The following ERC2 variants were observed in gnomAD, a reference collection of about 807,000 sequenced individuals.
The protein encoded by ERC2 is ERC protein 2.
A neutral mutation model predicts 114.8 loss-of-function variants in ERC2; 42 were observed. That is an observed-to-expected ratio of 0.37 (90% CI 0.29 to 0.47). The LOEUF is 0.47. ERC2 is among the 20% of genes least tolerant of loss of function. ERC2 has a pLI of 0.99. For missense variants in ERC2, 939 were observed against 1,150.7 expected, an observed-to-expected ratio of 0.82 and a Z score of 2.66; for synonymous variants, 454 against 425.5, an observed-to-expected ratio of 1.07 and a Z score of -0.82.
intron 14 of ERC2, among the ~76,000 whole-genome samples, chr3:55,751,437 A>G (rs1337210913): frequency 2.0e-5 from 3 of 152,208 alleles, no homozygotes; most frequent in Non-Finnish European, 4.4e-5. Flanking sequence ...AGGTGGCAAG[A>G]AGGGCCTAGT....
At chr3:56,171,399 G>A (rs2082658488) in intron 4 of ERC2, among the ~76,000 whole-genome samples, 1 of 152,198 alleles carries the variant, frequency 6.6e-6, no homozygotes, top group African/African-American at 2.4e-5. Context: ...CAAGACAGAA[G>A]GCAGTGCTTT....
intron 2 of ERC2, among the ~76,000 whole-genome samples, chr3:56,329,966 C>CAT (rs975750613): frequency 2.0e-5 from 3 of 151,016 alleles, no homozygotes; most frequent in East Asian, 1.9e-4. Flanking sequence ...TTCCAATACA[C>CAT]ATATATATAT....
chr3:55,683,394 G>A (rs2062155460), intron 17 of ERC2, among the ~76,000 whole-genome samples: 1 of 152,182 alleles, frequency 6.6e-6, no homozygotes, highest in Non-Finnish European at 1.5e-5. Context: ...GGACGTGAGA[G>A]TCACACCACA....
intron 6 of ERC2, among the ~76,000 whole-genome samples, chr3:56,132,965 G>A (rs1035079380): frequency 6.6e-6 from 1 of 152,270 alleles, no homozygotes; most frequent in African/African-American, 2.4e-5. Flanking sequence ...TCATTATTAT[G>A]GCCATAGTGT....
chr3:56,225,087 C>T (rs1361993316), intron 3 of ERC2, among the ~76,000 whole-genome samples: 2 of 152,144 alleles, frequency 1.3e-5, no homozygotes, highest in Non-Finnish European at 2.9e-5. Context: ...TATTCTCCTG[C>T]TCTCACTCTT....
At chr3:55,716,790 T>A (rs958436025) in intron 15 of ERC2, among the ~76,000 whole-genome samples, 1 of 152,232 alleles carries the variant, frequency 6.6e-6, no homozygotes, top group Non-Finnish European at 1.5e-5. Context: ...TCTCCAGTTA[T>A]ACCTTTCCTG....
At chr3:55,526,196 C>T (rs1049386339) in intron 17 of ERC2, among the ~76,000 whole-genome samples, 3 of 152,102 alleles carry the variant, frequency 2.0e-5, no homozygotes, top group South Asian at 4.1e-4. Flanking sequence ...GAAGGGTCTC[C>T]CCTAGAGGCT....
chr3:55,919,372 G>A (rs182105330), intron 13 of ERC2, among the ~76,000 whole-genome samples: 16 of 152,132 alleles, frequency 1.1e-4, no homozygotes, highest in South Asian at 6.2e-4. Context: ...TAGTAAGACC[G>A]TCTCTAAAAA....
intron 2 of ERC2, among the ~76,000 whole-genome samples, chr3:56,422,244 A>G (rs1180709917): frequency 6.6e-6 from 1 of 152,172 alleles, no homozygotes; most frequent in Admixed American, 6.5e-5. Context: ...CCAATAACCC[A>G]AAGTAAAGAG....
chr3:55,563,279 G>T (rs1190489116), intron 17 of ERC2, among the ~76,000 whole-genome samples: 1 of 151,724 alleles, frequency 6.6e-6, no homozygotes, highest in African/African-American at 2.4e-5. Context: ...CTGCTCCTCT[G>T]GGAGAATTTT....
intron 13 of ERC2, among the ~76,000 whole-genome samples, chr3:55,918,202 G>T (rs1307815336): frequency 6.6e-6 from 1 of 152,030 alleles, no homozygotes; most frequent in African/African-American, 2.4e-5. Context: ...GCCATTTCTA[G>T]CTACAATGTA....
At chr3:55,766,571 G>A (rs1335609309) in intron 14 of ERC2, 1 of 152,030 alleles carries the variant, frequency 6.6e-6, no homozygotes, top group African/African-American at 2.4e-5. Flanking sequence ...AAACCAGACC[G>A]GAGCTCACCC....
intron 3 of ERC2, among the ~76,000 whole-genome samples, chr3:56,199,717 G>A (rs753364927): frequency 4.6e-5 from 7 of 151,898 alleles, no homozygotes; most frequent in South Asian, 2.1e-4. Context: ...CTACGTTGCC[G>A]AGGCTGCTCT....
intron 17 of ERC2, among the ~76,000 whole-genome samples, chr3:55,593,268 A>G (rs2057984386): frequency 6.6e-6 from 1 of 152,186 alleles, no homozygotes; most frequent in South Asian, 2.1e-4. Context: ...TGTGATAACC[A>G]TCTGAGAGCA....
At chr3:56,451,976 G>A (rs950222198) in intron 1 of ERC2, among the ~76,000 whole-genome samples, 1 of 152,178 alleles carries the variant, frequency 6.6e-6, no homozygotes, top group East Asian at 1.9e-4. Flanking sequence ...AAAAAAGAGT[G>A]TAGTAACAGA....
intron 17 of ERC2, among the ~76,000 whole-genome samples, chr3:55,600,844 G>T (rs1321977204): frequency 1.3e-5 from 2 of 152,228 alleles, no homozygotes; most frequent in Non-Finnish European, 2.9e-5. Flanking sequence ...CAGTGCCTGG[G>T]CAAGTACCCA....
intron 2 of ERC2, among the ~76,000 whole-genome samples, chr3:56,384,967 C>T (rs529647715): frequency 1.3e-5 from 2 of 152,198 alleles, no homozygotes; most frequent in South Asian, 2.1e-4. Flanking sequence ...GGTCTTAGCA[C>T]CTCTGTCAAA....
At chr3:55,790,340 C>A (rs1170759159) in intron 14 of ERC2, among the ~76,000 whole-genome samples, 7 of 152,148 alleles carry the variant, frequency 4.6e-5, no homozygotes, top group Non-Finnish European at 1.0e-4. Flanking sequence ...TCCCCGAGGG[C>A]CCCTCTATTC....
chr3:56,213,612 C>T (rs1379364495), intron 3 of ERC2, among the ~76,000 whole-genome samples: 1 of 152,170 alleles, frequency 6.6e-6, no homozygotes, highest in Non-Finnish European at 1.5e-5. Context: ...AAACAAAAGG[C>T]AGCACAAACC....
Sources: allele counts gnomAD v4.1 joint callset (sites outside exome capture counted in the v4.1 genomes callset), GRCh38; gene constraint gnomAD v4.1.1; transcripts MANE v1.5; gene names NCBI Gene and HGNC (gene_info 2026-07-23, HGNC 2026-07-21).